Variants in GRIN2A observed in about 807,000 individuals in gnomAD.
GRIN2A encodes glutamate receptor ionotropic, NMDA 2A.
A neutral mutation model predicts 113.4 loss-of-function variants in GRIN2A; 22 were observed. The ratio of observed to expected loss-of-function variants is 0.19; its 90% CI spans 0.14 to 0.28. The LOEUF (loss-of-function observed/expected upper bound fraction) is 0.28, where lower values mean the gene tolerates loss of function less well. Ranked by LOEUF, GRIN2A falls within the 10% of genes least tolerant of loss-of-function variation. GRIN2A has a pLI of 1.00. For synonymous variants in GRIN2A, 827 were observed against 738.4 expected, an observed-to-expected ratio of 1.12 and a Z score of -1.94; for missense variants, 1,502 against 1,887.0, an observed-to-expected ratio of 0.80 and a Z score of 3.78.
chr16:9,812,207 C>G (rs997925913), intron 10 of GRIN2A, among the ~76,000 whole-genome samples: 2 of 152,084 alleles, frequency 1.3e-5, no homozygotes, highest in East Asian at 3.9e-4. Flanking sequence ...CCTGTTTCCT[C>G]AAAGGTGGAT....
At chr16:9,767,381 C>G (rs1900981057) in intron 12 of GRIN2A, among the ~76,000 whole-genome samples, 1 of 152,084 alleles carries the variant, frequency 6.6e-6, no homozygotes, top group Admixed American at 6.5e-5. Context: ...TAAACAATAG[C>G]ATATAAAATT....
chr16:9,947,302 C>A (rs76026370), intron 2 of GRIN2A, among the ~76,000 whole-genome samples: 2,676 of 152,280 alleles, frequency 0.018, 36 homozygotes, highest in Non-Finnish European at 0.024. Flanking sequence ...ACTCTGACAG[C>A]CACAACAGCC....
chr16:9,764,756 G>C lies in GRIN2A; in HGVS notation c.2788C>G (p.Leu930Val). The C allele has an allele frequency of 1.9e-6, 3 of 1,614,186 alleles. No individual in the cohort carries two copies. The highest frequency in any genetic ancestry group is 2.5e-6 in the Non-Finnish European group (3 of 1,179,998). Residue 930 changes from leucine (L) to valine (V), a missense_variant, in exon 13 of 13, where the codon CTC becomes GTC. Leu to Val is a conservative substitution (Grantham distance 32). Around this residue, in one of 7 missense-constraint regions of GRIN2A, gnomAD observed 832 missense variants for 789.7 expected, o/e 1.05. Transcript: ENST00000330684. ...TTATCTGAAACCATGTCCATGATGA[G>C]GGAACCTCTTTGGATGAAGTCAGCA... is the stretch of plus-strand genomic sequence containing the variant. The part of the protein sequence containing the change: ...RAADFIQRGS[L>V]IMDMVSDKGN...
rs554415923 is a variant in GRIN2A at position 9,757,308 on chromosome 16, C to T, written c.*5841G>A. 1.5e-4 allele frequency: 33 copies of T among 219,202 alleles called. No homozygotes were observed. The highest frequency in any genetic ancestry group is 1.5e-3 in the Middle Eastern group (1 of 682). 13.6% of individuals were successfully genotyped at this position (219,202 alleles called of 1,614,324 possible). On this transcript the variant is annotated 3_prime_UTR_variant, in exon 13 of 13. Transcript: ENST00000330684. ...GATTAAAATAAATCAACTGCATTTCCGGGACCACTAACTCTATTCTCCGGA... is the reference window on the plus strand; with the variant it reads ...GATTAAAATAAATCAACTGCATTTCTGGGACCACTAACTCTATTCTCCGGA...
At chr16:10,137,051 C>A (rs1070482) in intron 2 of GRIN2A, among the ~76,000 whole-genome samples, 103,527 of 152,076 alleles carry the variant, frequency 0.68, 35,692 homozygotes, top group East Asian at 0.92. Context: ...TACAAGACAA[C>A]GGACTGGAGT....
intron 12 of GRIN2A, among the ~76,000 whole-genome samples, chr16:9,767,399 TA>T (rs1900983456): frequency 6.6e-6 from 1 of 151,886 alleles, no homozygotes. Flanking sequence ...ATTAGATTTT[TA>T]TTTATTTATT....
rs558823398 is a variant in GRIN2A, at chr16:9,755,811, A to G, written c.*7338T>C. The G allele has an allele frequency of 4.9e-6, 1 of 203,222 alleles. No homozygotes were observed. Among genetic ancestry groups the G allele is most frequent in the African/African-American group, 2.3e-5 (1 of 43,690 alleles). The allele number at this position is 203,222 out of a possible 1,614,324, so 12.6% of individuals were successfully genotyped here. ...GGGACAGAATAACCGTCATTATCCT[A>G]ATGCTAAGTGAGCCGGGAATTATCT... is the stretch of plus-strand genomic sequence containing the variant. On this transcript the variant is annotated 3_prime_UTR_variant, in exon 13 of 13. Coordinates refer to ENST00000330684, the MANE Select transcript of GRIN2A (RefSeq NM_001134407.3).
chr16:10,102,227 G>C (rs2048414005), intron 2 of GRIN2A, among the ~76,000 whole-genome samples: 1 of 152,234 alleles, frequency 6.6e-6, no homozygotes, highest in South Asian at 2.1e-4. Flanking sequence ...AGATCATGGG[G>C]GCAGATCCCT....
intron 11 of GRIN2A, among the ~76,000 whole-genome samples, chr16:9,770,020 T>A (rs55827540): frequency 0.017 from 2,606 of 152,232 alleles, 60 homozygotes; most frequent in African/African-American, 0.059. Flanking sequence ...AACCAGGTGG[T>A]TTTTTCCAAT....
intron 2 of GRIN2A, among the ~76,000 whole-genome samples, chr16:9,939,549 G>A (rs2044808204): frequency 6.6e-6 from 1 of 152,090 alleles, no homozygotes. Flanking sequence ...TTTAGAAAAG[G>A]CAGGTGATGC....
chr16:9,769,451 CTTTTTTTTT>C (rs34847596), intron 11 of GRIN2A, among the ~76,000 whole-genome samples: 22 of 104,870 alleles, frequency 2.1e-4, no homozygotes, highest in African/African-American at 7.0e-4. Context: ...GGAGTTTTGT[CTTTTTTTTT>C]TTTTTTTTTT....
chr16:9,857,403 A>C (rs1331410960), intron 4 of GRIN2A, among the ~76,000 whole-genome samples: 1 of 152,258 alleles, frequency 6.6e-6, no homozygotes, highest in East Asian at 1.9e-4. Context: ...AAGTCACTGG[A>C]CTATCTTTGC....
intron 10 of GRIN2A, among the ~76,000 whole-genome samples, chr16:9,802,114 ATGG>A (rs1903399018): frequency 6.6e-6 from 1 of 152,228 alleles, no homozygotes; most frequent in African/African-American, 2.4e-5. Flanking sequence ...TTATACACTG[ATGG>A]TGGGAGTGTA....
chr16:10,056,820 T>G (rs111295891), intron 2 of GRIN2A, among the ~76,000 whole-genome samples: 1 of 152,124 alleles, frequency 6.6e-6, no homozygotes, highest in Non-Finnish European at 1.5e-5. Flanking sequence ...AGAACAGTAA[T>G]GCCAGAACCT....
intron 3 of GRIN2A, among the ~76,000 whole-genome samples, chr16:9,908,339 C>G (rs1039666986): frequency 6.6e-6 from 1 of 152,006 alleles, no homozygotes; most frequent in Non-Finnish European, 1.5e-5. Flanking sequence ...GGCAAAGGAA[C>G]TGCTGGGTGG....
At chr16:10,156,114 A>C (rs1103651) in intron 2 of GRIN2A, among the ~76,000 whole-genome samples, 75,746 of 151,964 alleles carry the variant, frequency 0.5, 19,492 homozygotes, top group East Asian at 0.87. Context: ...CCATCTGCCC[A>C]CTCTGCACCT....
intron 2 of GRIN2A, among the ~76,000 whole-genome samples, chr16:10,100,875 C>T (rs905422088): frequency 6.6e-6 from 1 of 152,226 alleles, no homozygotes; most frequent in African/African-American, 2.4e-5. Context: ...CACAGACGTG[C>T]TGGCCAATGT....
chr16:10,147,116 A>G (rs2049456524), intron 2 of GRIN2A, among the ~76,000 whole-genome samples: 1 of 152,082 alleles, frequency 6.6e-6, no homozygotes, highest in African/African-American at 2.4e-5. Context: ...TCACTCAGCA[A>G]AATACTTATG....
chr16:10,076,109 G>T (rs1429288385), intron 2 of GRIN2A, among the ~76,000 whole-genome samples: 1 of 152,138 alleles, frequency 6.6e-6, no homozygotes. Flanking sequence ...CGGACATAGG[G>T]CTAACCAGAC....
Sources: allele counts gnomAD v4.1 joint callset (sites outside exome capture counted in the v4.1 genomes callset), GRCh38; gene constraint gnomAD v4.1.1; regional missense constraint gnomAD v4.1.1; transcripts MANE v1.5; gene names NCBI Gene and HGNC (gene_info 2026-07-23, HGNC 2026-07-21).